The following NUP133 variants were observed in gnomAD, a reference collection of about 807,000 sequenced individuals.
NUP133 encodes the protein nucleoporin 133, also known as nuclear pore complex protein Nup133.
A neutral mutation model predicts 146.2 loss-of-function variants in NUP133; 66 were observed. That is an observed-to-expected ratio of 0.45 (90% CI 0.37 to 0.55). NUP133 has a LOEUF of 0.55. NUP133 is among the 20% of genes least tolerant of loss of function. NUP133 has a pLI of 0.00. For synonymous variants in NUP133, 521 were observed against 498.8 expected (o/e 1.04, Z -0.59); for missense variants, 1,277 against 1,374.8 (o/e 0.93, Z 1.12).
At chr1:229,449,298 T>A in intron 23 of NUP133, 108 bp from the exon 24 acceptor site, 3 of 658,692 alleles carry the variant, frequency 4.6e-6, no homozygotes, top group Non-Finnish European at 7.8e-6. Flanking sequence ...AATTAATATC[T>A]ATGAATTACT....
Position 229,444,997 on chromosome 1 carries a change from G to C in NUP133, c.3251C>G (p.Ser1084Cys). Residue 1084 changes from serine (S) to cysteine (C), a missense_variant, in exon 25 of 26, where the codon TCC becomes TGC. Ser to Cys is a moderately radical substitution (Grantham distance 112). Coordinates refer to ENST00000261396, the MANE Select transcript of NUP133 (RefSeq NM_018230.3). ...TGGATCATCTTTGCCATCAGAACTG[G>C]ACCAGCTAGAAAACAAAATCATTAT... is the stretch of plus-strand genomic sequence containing the variant. Reference protein sequence around the residue: ...LCKALQRDNWSSSDGKDDPIE... With the variant: ...LCKALQRDNWCSSDGKDDPIE... 1 of 1,606,788 alleles carries C rather than the reference G, an allele frequency of 6.2e-7. No individual in the cohort carries two copies. Among genetic ancestry groups the C allele is most frequent in the Non-Finnish European group, 8.5e-7 (1 of 1,175,454 alleles).
intron 23 of NUP133, 31 bp downstream of exon 23, chr1:229,450,494 G>T: frequency 8.4e-7 from 1 of 1,186,036 alleles, no homozygotes; most frequent in Non-Finnish European, 1.2e-6. Context: ...GTATTCAGTT[G>T]CCTGAGATCA....
At chr1:229,487,984 C>T (rs1386323647) in intron 9 of NUP133, among the ~76,000 whole-genome samples, 1 of 151,754 alleles carries the variant, frequency 6.6e-6, no homozygotes. Flanking sequence ...GCTGGGATTA[C>T]AGGTGCATGC....
In NUP133 at chr1:229,486,432, G is replaced by C; in HGVS notation, c.1439C>G (p.Ser480Cys). ...CCCTTCCAAGTCTTCTGCCAATATAGACACATTTTCCCTTGAAGTAATAGA... is the reference window on the plus strand; with the variant it reads ...CCCTTCCAAGTCTTCTGCCAATATACACACATTTTCCCTTGAAGTAATAGA... ...LVSITSRENV[S>C]ILAEDLEGSL... The change falls in exon 11 of 26, where the codon TCT becomes TGT. Residue 480 changes from serine (S) to cysteine (C), a missense_variant. Coordinates refer to ENST00000261396, the MANE Select transcript of NUP133 (RefSeq NM_018230.3). 1 of 1,610,460 alleles carries C rather than the reference G, an allele frequency of 6.2e-7. No individual in the cohort carries two copies. The highest frequency in any genetic ancestry group is 2.2e-5 in the East Asian group (1 of 44,700).
In NUP133 at chr1:229,460,680, C is replaced by G. The variant is rs761889024; in HGVS notation, c.2775G>C (p.Leu925Phe). Residue 925 changes from leucine to phenylalanine, a missense_variant, in exon 20 of 26, where the codon TTG becomes TTC. Leu to Phe is a conservative substitution (Grantham distance 22, BLOSUM62 0). Coordinates refer to ENST00000261396, the MANE Select transcript of NUP133 (RefSeq NM_018230.3). ...GTTCATGAGCTTGCAAAAAATTTGC[C>G]AACTGTCCATGCTGAGAAATGGGCT... ...LSQPISQHGQ[L>F]ANFLQAHEHL... 1.9e-6 allele frequency: 3 copies of G among 1,613,906 alleles called. No individual in the cohort carries two copies. The highest frequency in any genetic ancestry group is 3.3e-5 in the Admixed American group (2 of 59,992).
intron 23 of NUP133, 79 bp downstream of exon 23, chr1:229,450,446 T>C (rs1660422136): frequency 3.0e-6 from 2 of 671,072 alleles, no homozygotes; most frequent in South Asian, 4.6e-5. Context: ...TTCATTTTCA[T>C]GATTGACTAA....
At chr1:229,457,595 G>T (rs1418791593) in intron 21 of NUP133, among the ~76,000 whole-genome samples, 1 of 151,952 alleles carries the variant, frequency 6.6e-6, no homozygotes, top group Non-Finnish European at 1.5e-5. Flanking sequence ...GCATTATTTT[G>T]TTTTAATTTT....
intron 21 of NUP133, among the ~76,000 whole-genome samples, chr1:229,455,661 A>C (rs1048823618): frequency 2.6e-5 from 4 of 152,204 alleles, no homozygotes; most frequent in African/African-American, 9.7e-5. Context: ...AGCTAGAGTC[A>C]TCTGTTGCTA....
intron 2 of NUP133, among the ~76,000 whole-genome samples, chr1:229,502,797 TAAA>T (rs776726500): frequency 1.8e-4 from 22 of 124,926 alleles, no homozygotes; most frequent in African/African-American, 4.9e-4. Flanking sequence ...CTCTCTCTCT[TAAA>T]AAAAAAAAAA....
intron 19 of NUP133, 39 bp from the exon 20 acceptor site, chr1:229,460,808 T>TA (rs1040952757): frequency 8.5e-6 from 13 of 1,535,108 alleles, no homozygotes; most frequent in Admixed American, 2.0e-5. Flanking sequence ...CATAATAGTT[T>TA]AAAAAAACAC....
intron 19 of NUP133, among the ~76,000 whole-genome samples, chr1:229,462,159 C>CTTGCT (rs1660707993): frequency 1.3e-5 from 2 of 152,234 alleles, no homozygotes; most frequent in Admixed American, 1.3e-4. Context: ...GCTGGGATTA[C>CTTGCT]AGGCGTGAGC....
chr1:229,443,053 G>T (rs1006774249), intron 25 of NUP133, among the ~76,000 whole-genome samples: 1 of 151,836 alleles, frequency 6.6e-6, no homozygotes, highest in Non-Finnish European at 1.5e-5. Flanking sequence ...TTGAGACAGG[G>T]TCTCCACTCT....
At position 229,487,591 on chromosome 1, in the gene NUP133, T is replaced by A. The variant is rs1065674; in HGVS notation, c.1217A>T (p.Gln406Leu). ...GTTTGAAAAGTTTGGGACCGTCAAC[T>A]GACACAAAATCAGGTCTTCAGACTG... Reference protein sequence around the residue: ...PFQSEDLILCQLTVPNFSNQT... With the variant: ...PFQSEDLILCLLTVPNFSNQT... Residue 406 changes from glutamine to leucine, a missense_variant, in exon 10 of 26, where the codon CAG (glutamine) becomes CTG (leucine). Gln to Leu is a moderately radical substitution (Grantham distance 113). Coordinates refer to ENST00000261396, the MANE Select transcript of NUP133 (RefSeq NM_018230.3). The A allele has an allele frequency of 1.2e-6, 2 of 1,610,494 alleles. No individual in the cohort carries two copies. The highest frequency in any genetic ancestry group is 1.7e-6 in the Non-Finnish European group (2 of 1,178,896).
At chr1:229,486,287 A>C (rs1230810352) in intron 11 of NUP133, 84 bp downstream of exon 11, 9 of 1,262,880 alleles carry the variant, frequency 7.1e-6, no homozygotes, top group Non-Finnish European at 8.5e-6. Flanking sequence ...GTGCCACTGC[A>C]CTCTAGCCTG....
chr1:229,480,508 TA>T, intron 12 of NUP133, among the ~76,000 whole-genome samples: 1 of 152,228 alleles, frequency 6.6e-6, no homozygotes, highest in South Asian at 2.1e-4. Context: ...CAAAATAACA[TA>T]AAAATCAATT....
At chr1:229,449,084 A>T in intron 24 of NUP133, 42 bp downstream of exon 24, 2 of 1,441,814 alleles carry the variant, frequency 1.4e-6, no homozygotes, top group Non-Finnish European at 2.0e-6. Context: ...GAGGAAAAGC[A>T]GTTTCTATAC....
chr1:229,499,775 T>C lies in NUP133; in HGVS notation c.557A>G (p.Tyr186Cys). ...MVATREGSIR[Y>C]WPSLAGEDTY... ...ATCTTCACCAGCAAGGCTTGGCCAA[T>C]AGCGGATAGATCCTTCTCTGGTGGC... Residue 186 changes from tyrosine (Y) to cysteine (C), a missense_variant, in exon 5 of 26, where the codon TAT (tyrosine) becomes TGT (cysteine). By Grantham distance (194) the Tyr-to-Cys change is radical (BLOSUM62 -2). This residue lies in a region of NUP133 where 319 missense variants were observed against 306.9 expected (regional missense o/e 1.04). Transcript: ENST00000261396. The C allele has an allele frequency of 6.2e-7, 1 of 1,613,996 alleles. No individual in the cohort carries two copies. The highest frequency in any genetic ancestry group is 8.5e-7 in the Non-Finnish European group (1 of 1,179,934).
intron 15 of NUP133, among the ~76,000 whole-genome samples, chr1:229,468,121 G>A (rs1660865840): frequency 6.6e-6 from 1 of 152,098 alleles, no homozygotes; most frequent in African/African-American, 2.4e-5. Flanking sequence ...GGAGGTACAA[G>A]GCCTTCCCAA....
intron 9 of NUP133, 146 bp from the exon 10 acceptor site, chr1:229,487,759 TAACAA>T (rs2102775655): frequency 3.3e-6 from 2 of 602,900 alleles, no homozygotes; most frequent in East Asian, 2.9e-5. Flanking sequence ...ATGAGATGAT[TAACAA>T]AACATGACAG....
Sources: gnomAD v4.1 joint callset for allele counts (sites outside exome capture counted in the v4.1 genomes callset) on GRCh38, gnomAD v4.1.1 for gene constraint, gnomAD v4.1.1 regional missense constraint, MANE v1.5 for transcripts, NCBI Gene and HGNC (gene_info 2026-07-23, HGNC 2026-07-21) for gene names.